Variants in FSD1 observed in about 807,000 individuals in gnomAD.
FSD1 encodes fibronectin type III and SPRY domain-containing protein 1.
Under a neutral mutation model 58.2 loss-of-function variants are expected in FSD1, and 23 were observed. The ratio of observed to expected loss-of-function variants is 0.40; its 90% confidence interval spans 0.28 to 0.56. The LOEUF is 0.56. Among genes scored for constraint, FSD1 ranks in the 20% least tolerant of loss-of-function variants. FSD1 has a pLI of 0.54. For missense variants in FSD1, 563 were observed against 670.8 expected (o/e 0.84, Z 1.78); for synonymous variants, 265 against 263.4 (o/e 1.01, Z -0.06).
chr19:4,310,282 C>T lies in FSD1; in HGVS notation c.355C>T (p.Gln119Ter). Residue 119 changes from glutamine to a stop codon, truncating the protein, a stop_gained, in exon 5 of 13, where the codon CAA (glutamine) becomes TAA (stop). Transcript: ENST00000221856. LOFTEE classifies it high-confidence loss of function. ...DSEDFPQAAK[Q>*]IKDGVTMAPA... ...CTGTTCCTCTCTCTAGGCTGCCAAG[C>T]AAATCAAAGATGGGTAAGACACTGG... 1 of 1,614,196 alleles carries T rather than the reference C, an allele frequency of 6.2e-7. No homozygotes were observed. The highest frequency in any genetic ancestry group is 8.5e-7 in the Non-Finnish European group (1 of 1,180,010).
rs150751084 is a variant in FSD1, at chr19:4,318,465, G to A, written c.919G>A (p.Gly307Ser). 27 of 1,613,346 alleles carry A rather than the reference G, an allele frequency of 1.7e-5. No individual in the cohort carries two copies. In the African/African-American group the frequency reaches 3.5e-4, roughly 21 times the overall value. ...VQDIKAREKD[G>S]KGRTASPINS... ...GGATATCAAGGCTCGCGAGAAAGAT[G>A]GCAAGGGGCGGACGGCGTCTCCCAT... Residue 307 changes from glycine (G) to serine (S), a missense_variant, in exon 9 of 13, where the codon GGC becomes AGC. By Grantham distance (56) the Gly-to-Ser change is moderately conservative (BLOSUM62 0). Coordinates refer to ENST00000221856, the MANE Select transcript of FSD1 (RefSeq NM_024333.3).
intron 7 of FSD1, 101 bp downstream of exon 7, chr19:4,312,152 A>C: frequency 9.4e-7 from 1 of 1,069,328 alleles, no homozygotes; most frequent in Non-Finnish European, 1.4e-6. Context: ...ACGATCCCCA[A>C]AGCTCATGGG....
chr19:4,307,706 G>T (rs1971637758), intron 3 of FSD1, among the ~76,000 whole-genome samples, 176 bp from the exon 4 acceptor site: 1 of 152,174 alleles, frequency 6.6e-6, no homozygotes, highest in Admixed American at 6.6e-5. Context: ...CAGGGATTCT[G>T]TTCTGCTCCC....
rs551519234 is a variant in FSD1, at chr19:4,304,669, C to T, written c.-78C>T. On this transcript the variant is annotated 5_prime_UTR_variant, in exon 1 of 13. Coordinates refer to ENST00000221856, the MANE Select transcript of FSD1 (RefSeq NM_024333.3). ...GAGGGCTCGGCGGGCCATTGGCTAC[C>T]GGCCGCGGCAAAGGCAGCTTGGGGA... 9 of 955,926 alleles carry T rather than the reference C, an allele frequency of 9.4e-6. No individual in the cohort carries two copies. In the African/African-American group the frequency reaches 1.2e-4, roughly 13 times the overall value. The allele number at this position is 955,926 out of a possible 1,614,324, so 59.2% of individuals were successfully genotyped here.
chr19:4,307,681 A>G (rs4806979), intron 3 of FSD1, among the ~76,000 whole-genome samples: 21,363 of 152,072 alleles, frequency 0.14, 1,589 homozygotes, highest in South Asian at 0.22. Flanking sequence ...ACGTGTTTTT[A>G]GGGAAGGGAT....
chr19:4,309,861 A>T (rs1204612069), intron 4 of FSD1, among the ~76,000 whole-genome samples: 1 of 149,684 alleles, frequency 6.7e-6, no homozygotes, highest in African/African-American at 2.5e-5. Flanking sequence ...GTGAGCCGAG[A>T]TCGTGCCACT....
In FSD1 at chr19:4,318,454, G is replaced by A. The variant is rs937890368; in HGVS notation, c.908G>A (p.Arg303His). 1.4e-5 allele frequency: 23 copies of A among 1,613,570 alleles called. No individual in the cohort carries two copies. Among genetic ancestry groups the A allele is most frequent in the African/African-American group, 5.3e-5 (4 of 74,884 alleles). ...MGGKVQDIKAREKDGKGRTAS... is the reference protein window; with the variant it reads ...MGGKVQDIKAHEKDGKGRTAS... ...GGGAAGGTGCAGGATATCAAGGCTC[G>A]CGAGAAAGATGGCAAGGGGCGGACG... Residue 303 changes from arginine to histidine, a missense_variant, in exon 9 of 13, where the codon CGC (arginine) becomes CAC (histidine). Coordinates refer to ENST00000221856, the MANE Select transcript of FSD1 (RefSeq NM_024333.3).
rs145078106 is a variant in FSD1 at position 4,323,317 on chromosome 19, G to T, written c.1292-31G>T. 1 of 1,609,688 alleles carries T rather than the reference G, an allele frequency of 6.2e-7. No individual in the cohort carries two copies. ...TCTGCCCCCATCCCACTTCTGACCG[G>T]TCCCACTGTCACTCTGCCCCCCGAC... On this transcript the variant is annotated intron_variant, in intron 11 of 12. Transcript: ENST00000221856. The surrounding 1 kb of genome is among the most constrained non-coding windows in gnomAD (Gnocchi z 7.7).
chr19:4,323,446 C>G lies in FSD1; in HGVS notation c.1380+10C>G. ...GCTGCCTGCTTTCACGGTGAGCTGC[C>G]CTCCGCGGCCCAGGGGGAGGAGAGG... is the stretch of plus-strand genomic sequence containing the variant. On this transcript the variant is annotated intron_variant, in intron 12 of 12. Coordinates refer to ENST00000221856, the MANE Select transcript of FSD1 (RefSeq NM_024333.3). The surrounding 1 kb of genome is among the most constrained non-coding windows in gnomAD (Gnocchi z 7.7). 6.2e-7 allele frequency: 1 copy of G among 1,611,712 alleles called. No homozygotes were observed. The highest frequency in any genetic ancestry group is 8.5e-7 in the Non-Finnish European group (1 of 1,178,170).
chr19:4,310,450 A>G, intron 5 of FSD1, 25 bp from the exon 6 acceptor site: 1 of 1,607,170 alleles, frequency 6.2e-7, no homozygotes, highest in Non-Finnish European at 8.5e-7. Flanking sequence ...TCCCCCACGC[A>G]ACGCCTGCCA....
At chr19:4,313,467 C>T (rs1599537341) in intron 7 of FSD1, among the ~76,000 whole-genome samples, 1 of 148,700 alleles carries the variant, frequency 6.7e-6, no homozygotes, top group Admixed American at 6.6e-5. Context: ...CACCTGTACT[C>T]CCAGCACTTT....
intron 1 of FSD1, among the ~76,000 whole-genome samples, chr19:4,305,379 C>A (rs1971607294): frequency 6.6e-6 from 1 of 151,990 alleles, no homozygotes; most frequent in Admixed American, 6.6e-5. Flanking sequence ...GGCTATCCCA[C>A]CTCCCTGGGG....
intron 7 of FSD1, among the ~76,000 whole-genome samples, chr19:4,314,817 G>C (rs1426726407): frequency 6.6e-6 from 1 of 152,182 alleles, no homozygotes; most frequent in Non-Finnish European, 1.5e-5. Flanking sequence ...GCTCATTCGG[G>C]TGTTCCACAC....
chr19:4,323,526 C>T lies in FSD1; in HGVS notation c.1381-7C>T. The T allele has an allele frequency of 1.5e-6, 2 of 1,345,118 alleles. No individual in the cohort carries two copies. The highest frequency in any genetic ancestry group is 2.1e-6 in the Non-Finnish European group (2 of 937,026). 83.3% of individuals were successfully genotyped at this position (1,345,118 alleles called of 1,614,324 possible). A position where few individuals can be genotyped will look rare whatever the true frequency, so the allele number is the denominator to read the frequency against. Reference sequence around the variant, plus strand: ...AGCCCCTCCCCCCTCCCCCCGCTGTCCCTCAGGTATGGTGTGGCAGCTTCC... The same window carrying T: ...AGCCCCTCCCCCCTCCCCCCGCTGTTCCTCAGGTATGGTGTGGCAGCTTCC... On this transcript the variant is annotated splice_polypyrimidine_tract_variant and splice_region_variant and intron_variant, in intron 12 of 12. Transcript: ENST00000221856. This position sits in a 1 kb window ranked among gnomAD's most constrained non-coding sequence, Gnocchi z 7.7.
chr19:4,311,918 G>T lies in FSD1; in HGVS notation c.567G>T (p.Pro189=). The change falls in exon 7 of 13, where the codon CCG becomes CCT. Residue 189 remains proline (P), a synonymous_variant. Transcript: ENST00000221856. ...DNCVTLVWRM[P]DEDSKIDHYV... ...GTGTGACCCTGGTGTGGCGCATGCC[G>T]GATGAGGACAGCAAGATTGACCACT... is the stretch of plus-strand genomic sequence containing the variant. 1 of 1,614,158 alleles carries T rather than the reference G, an allele frequency of 6.2e-7. No individual in the cohort carries two copies. The highest frequency in any genetic ancestry group is 8.5e-7 in the Non-Finnish European group (1 of 1,180,026).
At chr19:4,305,182 G>A (rs1368627460) in intron 1 of FSD1, among the ~76,000 whole-genome samples, 3 of 138,970 alleles carry the variant, frequency 2.2e-5, no homozygotes, top group Non-Finnish European at 4.6e-5. Flanking sequence ...AGAGGCTCCC[G>A]AGCGGGATCC....
chr19:4,306,606 T>TAC lies in FSD1; in HGVS notation c.243+279_243+280dup, dbSNP rs560582821. 5.1e-3 allele frequency among the ~76,000 whole-genome samples: 768 copies of TAC among 151,958 alleles called. 5 individuals carry two copies. Among genetic ancestry groups the TAC allele is most frequent in the Non-Finnish European group, 7.2e-3 (487 of 67,944 alleles). On this transcript the variant is annotated intron_variant, in intron 3 of 12. Coordinates refer to ENST00000221856, the MANE Select transcript of FSD1 (RefSeq NM_024333.3). ...CCTCAGCCTCCCAAGTAGCTGGGAT[T>TAC]ACAGGTACCCGCCATCATGCTGGGC...
chr19:4,321,533 G>A (rs1971818449), intron 10 of FSD1, among the ~76,000 whole-genome samples: 1 of 151,842 alleles, frequency 6.6e-6, no homozygotes, highest in Non-Finnish European at 1.5e-5. Context: ...GGGAATAGCT[G>A]GGACTGAGAA....
Position 4,306,212 on chromosome 19 carries a change from G to T in FSD1, c.126G>T (p.Lys42Asn), listed in dbSNP as rs35696506. 2 of 1,613,888 alleles carry T rather than the reference G, an allele frequency of 1.2e-6. No homozygotes were observed. The highest frequency in any genetic ancestry group is 1.3e-5 in the African/African-American group (1 of 74,894). ...MLLNVEANSA[K>N]VQEDLEAEFQ... Reference sequence around the variant, plus strand: ...TTCCGACCCAGGCGAACTCGGCGAAGGTGCAGGAGGACCTCGAAGCAGAGT... The same window carrying T: ...TTCCGACCCAGGCGAACTCGGCGAATGTGCAGGAGGACCTCGAAGCAGAGT... The change falls in exon 3 of 13, where the codon AAG becomes AAT. Residue 42 changes from lysine (K) to asparagine (N), a missense_variant. Coordinates refer to ENST00000221856, the MANE Select transcript of FSD1 (RefSeq NM_024333.3).
Sources: allele counts gnomAD v4.1 joint callset (sites outside exome capture counted in the v4.1 genomes callset), GRCh38; gene constraint gnomAD v4.1.1; non-coding constraint Gnocchi (gnomAD v3.1); transcripts MANE v1.5; gene names NCBI Gene and HGNC (gene_info 2026-07-23, HGNC 2026-07-21).